The following ENTREP1 variants were observed in gnomAD, a reference collection of about 807,000 sequenced individuals.
The protein encoded by ENTREP1 is endosomal transmembrane epsin interactor 1.
the ENTREP1 span, among the ~76,000 whole-genome samples, chr9:69,364,822 C>T: frequency 6.6e-6 from 1 of 152,124 alleles, no homozygotes; most frequent in Non-Finnish European, 1.5e-5. Flanking sequence ...CAGTGAATGG[C>T]GATTTTGTAT....
the ENTREP1 span, among the ~76,000 whole-genome samples, chr9:69,341,273 G>T: frequency 6.6e-6 from 1 of 152,120 alleles, no homozygotes; most frequent in Non-Finnish European, 1.5e-5. Flanking sequence ...AACAATGAAG[G>T]TTCTTCCCCA....
the ENTREP1 span, among the ~76,000 whole-genome samples, chr9:69,378,507 C>CACCG: frequency 6.6e-6 from 1 of 152,068 alleles, no homozygotes; most frequent in Non-Finnish European, 1.5e-5. Context: ...GTGGCTCACA[C>CACCG]CTGTAATCCC....
the ENTREP1 span, chr9:69,383,805 GA>G: frequency 6.2e-7 from 1 of 1,612,296 alleles, no homozygotes; most frequent in Non-Finnish European, 8.5e-7. Flanking sequence ...CTGCAAGTGG[GA>G]AAGACAGCAC....
At chr9:69,380,803 G>C in the ENTREP1 span, 5 of 152,274 alleles carry the variant, frequency 3.3e-5, no homozygotes, top group Non-Finnish European at 7.3e-5. Context: ...AGACTGAGGG[G>C]GTCTTGGGCA....
the ENTREP1 span, chr9:69,388,020 T>C: frequency 6.4e-7 from 1 of 1,565,262 alleles, no homozygotes; most frequent in Non-Finnish European, 8.7e-7. Flanking sequence ...TTCTGCAAGA[T>C]GAAAAGCAGG....
the ENTREP1 span, chr9:69,380,402 C>G: frequency 6.6e-6 from 1 of 152,210 alleles, no homozygotes; most frequent in African/African-American, 2.4e-5. Context: ...ATGATTGTTA[C>G]TATTTTATGA....
the ENTREP1 span, among the ~76,000 whole-genome samples, chr9:69,342,428 T>C: frequency 2.6e-5 from 4 of 152,208 alleles, no homozygotes; most frequent in Non-Finnish European, 5.9e-5. Flanking sequence ...CAACAGTGGC[T>C]TTTTTGTGGT....
the ENTREP1 span, chr9:69,329,249 C>T: frequency 2.3e-6 from 1 of 429,316 alleles, no homozygotes; most frequent in Non-Finnish European, 3.1e-6. Context: ...TCAACTGAAC[C>T]CACACATCTT....
At chr9:69,380,606 G>T in the ENTREP1 span, 1 of 152,186 alleles carries the variant, frequency 6.6e-6, no homozygotes, top group Non-Finnish European at 1.5e-5. Flanking sequence ...TCCAAAGATG[G>T]GTTCGCTACT....
the ENTREP1 span, chr9:69,380,338 G>C: frequency 2.6e-5 from 4 of 152,206 alleles, no homozygotes; most frequent in African/African-American, 7.2e-5. Flanking sequence ...GACACTCATG[G>C]TTTAACCTCA....
chr9:69,340,763 A>ATGTGTG, the ENTREP1 span, among the ~76,000 whole-genome samples: 13 of 29,286 alleles, frequency 4.4e-4, no homozygotes, highest in South Asian at 2.2e-3. Flanking sequence ...GTGTGCGTGC[A>ATGTGTG]TGTGTGTGTG....
the ENTREP1 span, chr9:69,392,000 G>C: frequency 2.3e-5 from 14 of 603,182 alleles, no homozygotes; most frequent in Non-Finnish European, 3.6e-5. Context: ...GTCTGGGTTT[G>C]GGATGCACTG....
the ENTREP1 span, among the ~76,000 whole-genome samples, chr9:69,334,490 A>G: frequency 6.6e-6 from 1 of 152,192 alleles, no homozygotes; most frequent in Non-Finnish European, 1.5e-5. Flanking sequence ...GGACACTGTC[A>G]AGTCCTTACT....
chr9:69,340,625 A>ATGCATGTG, the ENTREP1 span, among the ~76,000 whole-genome samples: 1 of 63,792 alleles, frequency 1.6e-5, no homozygotes, highest in Non-Finnish European at 3.2e-5. Flanking sequence ...GTGTGTGTGC[A>ATGCATGTG]TGTGTGTGTG....
the ENTREP1 span, among the ~76,000 whole-genome samples, chr9:69,340,681 GCA>G: frequency 5.3e-3 from 245 of 46,166 alleles, 2 homozygotes; most frequent in Non-Finnish European, 8.0e-3. Context: ...GTGTGTGCAT[GCA>G]TGTGTGTGTG....
the ENTREP1 span, among the ~76,000 whole-genome samples, chr9:69,340,613 ATGTGTGTG>A: frequency 8.7e-6 from 1 of 114,858 alleles, no homozygotes; most frequent in African/African-American, 3.5e-5. Context: ...GTGTGTGTGC[ATGTGTGTG>A]TGCATGTGTG....
chr9:69,338,948 G>A, the ENTREP1 span, among the ~76,000 whole-genome samples: 8 of 152,160 alleles, frequency 5.3e-5, no homozygotes, highest in African/African-American at 1.9e-4. Context: ...GATTCTACAA[G>A]GGAAAACTTT....
At chr9:69,338,032 C>G in the ENTREP1 span, among the ~76,000 whole-genome samples, 2 of 152,090 alleles carry the variant, frequency 1.3e-5, no homozygotes, top group Non-Finnish European at 2.9e-5. Flanking sequence ...TATTGATGGT[C>G]TTGAAAAACT....
chr9:69,340,666 C>CAT, the ENTREP1 span, among the ~76,000 whole-genome samples: 25,020 of 107,716 alleles, frequency 0.23, 4,228 homozygotes, highest in African/African-American at 0.47. Flanking sequence ...TGTGTGTGTG[C>CAT]GTGTGTGTGT....
Sources: gnomAD v4.1 joint callset for allele counts (sites outside exome capture counted in the v4.1 genomes callset) on GRCh38, gnomAD v4.1.1 for gene constraint, MANE v1.5 for transcripts, NCBI Gene and HGNC (gene_info 2026-07-23, HGNC 2026-07-21) for gene names.